The following USP32 variants were observed in gnomAD, a reference collection of about 807,000 sequenced individuals.
USP32 encodes the protein ubiquitin specific peptidase 32.
USP32 carries 59 observed loss-of-function variants against 204.8 expected under a neutral mutation model. That is an observed-to-expected ratio of 0.29 (90% CI 0.23 to 0.36). USP32 has a LOEUF of 0.36. USP32 is among the 10% of genes least tolerant of loss of function. The probability of loss-of-function intolerance (pLI) is 1.00; values close to 1 mark genes in which losing one functional copy is unlikely to be tolerated. For missense variants in USP32, 1,160 were observed against 1,946.4 expected (o/e 0.60, Z 7.60); for synonymous variants, 517 against 678.4 (o/e 0.76, Z 3.70).
At chr17:60,192,753 A>G in intron 28 of USP32, 91 bp downstream of exon 28, 1 of 1,470,358 alleles carries the variant, frequency 6.8e-7, no homozygotes, top group Non-Finnish European at 9.4e-7. Flanking sequence ...ATTATTCACT[A>G]TTTACTTCTC....
intron 1 of USP32, among the ~76,000 whole-genome samples, chr17:60,380,994 T>C (rs2089637318): frequency 6.6e-6 from 1 of 152,238 alleles, no homozygotes; most frequent in African/African-American, 2.4e-5. Flanking sequence ...TTTATATTCC[T>C]GAAACATTTG....
intron 11 of USP32, among the ~76,000 whole-genome samples, chr17:60,247,443 G>A (rs1200956812): frequency 6.6e-6 from 1 of 152,152 alleles, no homozygotes; most frequent in Non-Finnish European, 1.5e-5. Flanking sequence ...GCCTCCCAAA[G>A]TGCTGGGATT....
chr17:60,281,413 C>T (rs1027623640), intron 5 of USP32, among the ~76,000 whole-genome samples: 4 of 152,090 alleles, frequency 2.6e-5, no homozygotes, highest in African/African-American at 9.7e-5. Flanking sequence ...TAGCAGGCGC[C>T]TGTAATCCCA....
intron 5 of USP32, among the ~76,000 whole-genome samples, chr17:60,278,082 T>A (rs925225760): frequency 2.0e-5 from 3 of 152,090 alleles, no homozygotes; most frequent in African/African-American, 7.2e-5. Flanking sequence ...AATTTTCAAA[T>A]TTTTTGTAGA....
At chr17:60,324,658 T>G (rs1278777230) in intron 2 of USP32, among the ~76,000 whole-genome samples, 1 of 152,184 alleles carries the variant, frequency 6.6e-6, no homozygotes, top group Non-Finnish European at 1.5e-5. Flanking sequence ...AAAAAATACA[T>G]TTTGAAAAGC....
chr17:60,411,168 A>C (rs1371934423), intron 1 of USP32, among the ~76,000 whole-genome samples: 1 of 152,046 alleles, frequency 6.6e-6, no homozygotes, highest in Non-Finnish European at 1.5e-5. Flanking sequence ...GTCTCTGCTA[A>C]AAATACAAAA....
At chr17:60,291,031 AAC>A (rs1269349682) in intron 4 of USP32, among the ~76,000 whole-genome samples, 4 of 152,174 alleles carry the variant, frequency 2.6e-5, no homozygotes, top group African/African-American at 9.7e-5. Flanking sequence ...TAATCTTCAA[AAC>A]ACTCTCTACA....
At chr17:60,247,978 C>G (rs1168553967) in intron 11 of USP32, among the ~76,000 whole-genome samples, 1 of 152,180 alleles carries the variant, frequency 6.6e-6, no homozygotes, top group Non-Finnish European at 1.5e-5. Context: ...GCCACCACGC[C>G]TGGCCTGGAT....
intron 5 of USP32, among the ~76,000 whole-genome samples, chr17:60,284,206 TTTC>T (rs1232467389): frequency 8.1e-5 from 12 of 148,808 alleles, no homozygotes; most frequent in Admixed American, 8.0e-4. Flanking sequence ...TTCAAGATTT[TTTC>T]TTTTCTTTTT....
intron 1 of USP32, among the ~76,000 whole-genome samples, chr17:60,398,844 AGTG>A (rs893743391): frequency 2.6e-5 from 4 of 152,088 alleles, no homozygotes; most frequent in Non-Finnish European, 5.9e-5. Context: ...AGCTGGGTGT[AGTG>A]GTGTGTGCCT....
intron 3 of USP32, among the ~76,000 whole-genome samples, chr17:60,300,800 C>T (rs1198587704): frequency 6.6e-5 from 10 of 152,164 alleles, no homozygotes; most frequent in Non-Finnish European, 8.8e-5. Flanking sequence ...AGAACATTTT[C>T]GCCAACCCAA....
chr17:60,253,495 G>A (rs1446487013), intron 10 of USP32, among the ~76,000 whole-genome samples: 1 of 152,034 alleles, frequency 6.6e-6, no homozygotes, highest in Non-Finnish European at 1.5e-5. Context: ...GCTAGGCTTG[G>A]TGGCTCATAT....
intron 9 of USP32, among the ~76,000 whole-genome samples, chr17:60,259,664 T>C (rs1278765952): frequency 6.6e-6 from 1 of 152,326 alleles, no homozygotes; most frequent in African/African-American, 2.4e-5. Context: ...CCTCCCATAT[T>C]TGTTATTGTT....
intron 2 of USP32, among the ~76,000 whole-genome samples, chr17:60,303,829 G>A (rs1199567046): frequency 1.3e-5 from 2 of 152,094 alleles, no homozygotes; most frequent in African/African-American, 4.8e-5. Context: ...ACTCAACAGA[G>A]TTGCATAAGA....
chr17:60,245,389 T>C (rs2085991553), intron 11 of USP32: 5 of 406,656 alleles, frequency 1.2e-5, no homozygotes, highest in African/African-American at 2.2e-5. Flanking sequence ...GGAAACACTG[T>C]GGGCAATCTC....
chr17:60,255,012 C>T (rs1469595761), intron 10 of USP32, among the ~76,000 whole-genome samples, 163 bp downstream of exon 10: 1 of 151,274 alleles, frequency 6.6e-6, no homozygotes, highest in Non-Finnish European at 1.5e-5. Context: ...TGACAAACTT[C>T]AGCAAGCACC....
intron 2 of USP32, among the ~76,000 whole-genome samples, chr17:60,340,960 T>C (rs963812023): frequency 2.6e-5 from 4 of 152,186 alleles, no homozygotes; most frequent in Admixed American, 2.6e-4. Context: ...AAATTCTGGG[T>C]TGAAAATTCT....
At chr17:60,307,960 G>A (rs867216394) in intron 2 of USP32, among the ~76,000 whole-genome samples, 5 of 152,310 alleles carry the variant, frequency 3.3e-5, no homozygotes, top group African/African-American at 1.2e-4. Context: ...GGCAGATGCC[G>A]GCAGGCCACT....
intron 1 of USP32, among the ~76,000 whole-genome samples, chr17:60,377,140 G>C (rs2089561030): frequency 6.6e-6 from 1 of 151,902 alleles, no homozygotes; most frequent in Admixed American, 6.6e-5. Context: ...GATATCTTCT[G>C]AGAACCTGCC....
Sources: gnomAD v4.1 joint callset for allele counts (sites outside exome capture counted in the v4.1 genomes callset) on GRCh38, gnomAD v4.1.1 for gene constraint, MANE v1.5 for transcripts, NCBI Gene and HGNC (gene_info 2026-07-23, HGNC 2026-07-21) for gene names.